Variants in WWOX observed in about 807,000 individuals in gnomAD.
WWOX encodes WW domain-containing oxidoreductase.
In WWOX, 69 loss-of-function variants were observed where a neutral mutation model predicts 46.2. That is an observed-to-expected ratio of 1.49 (90% confidence interval 1.23 to 1.82). The LOEUF (loss-of-function observed/expected upper bound fraction) is 1.82, where lower values mean the gene tolerates loss of function less well. Ranked by LOEUF, WWOX falls within the 40% of genes most tolerant of loss-of-function variation. WWOX has a pLI of 0.00. For missense variants in WWOX, 919 were observed against 542.6 expected (o/e 1.69, Z -6.89); for synonymous variants, 359 against 202.6 (o/e 1.77, Z -6.56).
chr16:79,211,277 G>A (rs906344105), intron 8 of WWOX, among the ~76,000 whole-genome samples: 4 of 152,264 alleles, frequency 2.6e-5, no homozygotes, highest in African/African-American at 4.8e-5. Flanking sequence ...GTTCTTGCAC[G>A]TTCAGAAGGA....
At chr16:78,770,322 G>T (rs150104588) in intron 8 of WWOX, among the ~76,000 whole-genome samples, 16 of 151,978 alleles carry the variant, frequency 1.1e-4, no homozygotes, top group African/African-American at 3.9e-4. Flanking sequence ...CTGTACTCCA[G>T]CCTGGGCCAT....
rs191907616 is a variant in WWOX, at chr16:78,504,485, G to A, written c.1056+71733G>A. On this transcript the variant is annotated intron_variant, in intron 8 of 8. Transcript: ENST00000566780. Reference sequence around the variant, plus strand: ...ACAAATTGTCCAGGGTTTCCACCTCGCAGTTTTCTTCCAGGGTTGCTATGG... The same window carrying A: ...ACAAATTGTCCAGGGTTTCCACCTCACAGTTTTCTTCCAGGGTTGCTATGG... Among the ~76,000 whole-genome samples, 951 of 152,288 alleles carry A rather than the reference G, an allele frequency of 6.2e-3. 8 individuals are homozygous for A. Among genetic ancestry groups the A allele is most frequent in the South Asian group, 8.1e-3 (39 of 4,826 alleles).
At chr16:78,106,404 C>T (rs1007842157) in intron 1 of WWOX, among the ~76,000 whole-genome samples, 2 of 144,862 alleles carry the variant, frequency 1.4e-5, no homozygotes, top group Non-Finnish European at 3.0e-5. Context: ...GCCAGAGAGT[C>T]AGAACGGTTT....
At chr16:78,889,288 G>A (rs1411827947) in intron 8 of WWOX, among the ~76,000 whole-genome samples, 3 of 151,908 alleles carry the variant, frequency 2.0e-5, no homozygotes, top group Admixed American at 2.0e-4. Flanking sequence ...TTTTCACACT[G>A]CAATGGTGCA....
chr16:78,438,966 A>G (rs2077838751), intron 8 of WWOX, among the ~76,000 whole-genome samples: 1 of 152,204 alleles, frequency 6.6e-6, no homozygotes, highest in Admixed American at 6.5e-5. Context: ...TAGTTGTACA[A>G]TTTAAAACGT....
At chr16:79,019,586 G>C (rs1567490423) in intron 8 of WWOX, among the ~76,000 whole-genome samples, 1 of 151,972 alleles carries the variant, frequency 6.6e-6, no homozygotes, top group Non-Finnish European at 1.5e-5. Flanking sequence ...AAAAACAAAA[G>C]CAGAAAGCAA....
intron 8 of WWOX, among the ~76,000 whole-genome samples, chr16:78,598,566 G>A (rs1467961877): frequency 6.6e-6 from 1 of 152,170 alleles, no homozygotes. Flanking sequence ...AGGCTCTCAG[G>A]TCGGTGCCAT....
intron 8 of WWOX, among the ~76,000 whole-genome samples, chr16:78,562,871 G>A (rs1051168044): frequency 3.9e-5 from 6 of 152,088 alleles, no homozygotes; most frequent in African/African-American, 7.2e-5. Context: ...GAGCGACGTC[G>A]GAGCTCCACG....
chr16:78,645,501 G>A (rs540453748), intron 8 of WWOX, among the ~76,000 whole-genome samples: 2 of 152,264 alleles, frequency 1.3e-5, no homozygotes, highest in East Asian at 3.9e-4. Context: ...GGATGTCCAA[G>A]AAGCATGGTG....
At chr16:78,384,014 T>C (rs1257566063) in intron 5 of WWOX, among the ~76,000 whole-genome samples, 2 of 152,200 alleles carry the variant, frequency 1.3e-5, no homozygotes, top group Admixed American at 1.3e-4. Context: ...TGTAAGTTAC[T>C]TACAGAGAAG....
chr16:79,194,201 A>G (rs1202298871), intron 8 of WWOX, among the ~76,000 whole-genome samples: 1 of 152,226 alleles, frequency 6.6e-6, no homozygotes, highest in East Asian at 1.9e-4. Flanking sequence ...AAACCACACC[A>G]AAAACGATTT....
At chr16:78,755,813 T>C (rs2049631932) in intron 8 of WWOX, among the ~76,000 whole-genome samples, 1 of 152,206 alleles carries the variant, frequency 6.6e-6, no homozygotes, top group Non-Finnish European at 1.5e-5. Flanking sequence ...CTTTCGCCAT[T>C]TAATAGCTTT....
chr16:78,775,338 C>G (rs572521621), intron 8 of WWOX, among the ~76,000 whole-genome samples: 7 of 152,244 alleles, frequency 4.6e-5, no homozygotes, highest in Non-Finnish European at 8.8e-5. Flanking sequence ...TGTGTCATCC[C>G]CTCCCCACCC....
intron 5 of WWOX, among the ~76,000 whole-genome samples, chr16:78,297,663 G>A (rs749787240): frequency 6.6e-6 from 1 of 152,096 alleles, no homozygotes; most frequent in Non-Finnish European, 1.5e-5. Context: ...TGTTGGAGAC[G>A]GAGCACCGGA....
rs116376050 is a variant in WWOX, at chr16:78,851,580, T to G, written c.1057-360028T>G. Among the ~76,000 whole-genome samples, 1,235 of 152,330 alleles carry G rather than the reference T, an allele frequency of 8.1e-3. 23 individuals carry two copies. Among genetic ancestry groups the G allele is most frequent in the African/African-American group, 0.028 (1,184 of 41,574 alleles). ...ATTTTCCATCTTTCCCACTAGACGG[T>G]GAGGGACTTTATCTGTCTCATTCAC... On this transcript the variant is annotated intron_variant, in intron 8 of 8. Coordinates refer to ENST00000566780, the MANE Select transcript of WWOX (RefSeq NM_016373.4).
chr16:78,614,670 C>T (rs1427679758), intron 8 of WWOX, among the ~76,000 whole-genome samples: 2 of 152,202 alleles, frequency 1.3e-5, no homozygotes, highest in East Asian at 1.9e-4. Flanking sequence ...AGTTACAGGG[C>T]CTCGCCTTTT....
chr16:79,095,156 G>T (rs1349562402), intron 8 of WWOX, among the ~76,000 whole-genome samples: 2 of 152,168 alleles, frequency 1.3e-5, no homozygotes, highest in African/African-American at 4.8e-5. Context: ...CTACTTAAGG[G>T]TATTTTTGCT....
rs1261419819 is a variant in WWOX at position 78,569,103 on chromosome 16, A to C, written c.1056+136351A>C. On this transcript the variant is annotated intron_variant, in intron 8 of 8. Coordinates refer to ENST00000566780, the MANE Select transcript of WWOX (RefSeq NM_016373.4). ...CTGTCTGAGGAACACTCAGGTTTGC[A>C]AACCGTTTCTTAAAATTACAGGATA... 2.6e-5 allele frequency among the ~76,000 whole-genome samples: 4 copies of C among 152,282 alleles called. No individual in the cohort carries two copies. In the East Asian group the frequency reaches 7.7e-4, roughly 29 times the overall value.
At chr16:78,463,163 G>A (rs2083992574) in intron 8 of WWOX, among the ~76,000 whole-genome samples, 1 of 152,166 alleles carries the variant, frequency 6.6e-6, no homozygotes, top group African/African-American at 2.4e-5. Context: ...GAGTGAAAAC[G>A]CGAAAGAAAA....
Sources: gnomAD v4.1 joint callset for allele counts (sites outside exome capture counted in the v4.1 genomes callset) on GRCh38, gnomAD v4.1.1 for gene constraint, MANE v1.5 for transcripts, NCBI Gene and HGNC (gene_info 2026-07-23, HGNC 2026-07-21) for gene names.